Variants in ATMIN observed in about 807,000 individuals in gnomAD.
ATMIN encodes the protein ATM interactor, also known as ATM INteracting protein.
ATMIN carries 24 observed loss-of-function variants against 49.2 expected under a neutral mutation model. The observed-to-expected ratio is 0.49, with a 90% CI of 0.35 to 0.69. The LOEUF (loss-of-function observed/expected upper bound fraction) is 0.69. Among genes scored for constraint, ATMIN ranks in the 30% least tolerant of loss-of-function variants. ATMIN has a pLI of 0.00. For missense variants in ATMIN, 1,037 were observed against 1,005.5 expected (o/e 1.03, Z -0.42); for synonymous variants, 450 against 392.5 (o/e 1.15, Z -1.73).
Position 81,044,788 on chromosome 16 carries a change from G to A in ATMIN, c.2290G>A (p.Glu764Lys). 2 of 1,614,198 alleles carry A rather than the reference G, an allele frequency of 1.2e-6. No individual in the cohort carries two copies. The highest frequency in any genetic ancestry group is 1.7e-6 in the Non-Finnish European group (2 of 1,180,036). The part of the protein sequence containing the change: ...LESKVQLNST[E>K]TQTMSSGFET... ...AAGCAAAGTTCAGTTGAACAGTACA[G>A]AAACACAGACCATGAGTTCTGGGTT... is the stretch of plus-strand genomic sequence containing the variant. Residue 764 changes from glutamate (E) to lysine (K), a missense_variant, in exon 4 of 4, where the codon GAA becomes AAA. By Grantham distance (56) the Glu-to-Lys change is moderately conservative. Coordinates refer to ENST00000299575, the MANE Select transcript of ATMIN (RefSeq NM_015251.3).
intron 3 of ATMIN, among the ~76,000 whole-genome samples, chr16:81,042,872 A>G (rs959793270): frequency 4.6e-5 from 7 of 152,194 alleles, no homozygotes; most frequent in Non-Finnish European, 8.8e-5. Flanking sequence ...TAAAACTTGC[A>G]TTATGTAAGT....
Position 81,044,907 on chromosome 16 carries a change from G to A in ATMIN, c.2409G>A (p.Glu803=). ...CTGATCTGGCCTGGAACACGATGGA[G>A]TCTCAGTTCAGCTCTGTAGAAACCC... The part of the protein sequence containing the change: ...LLADLAWNTM[E]SQFSSVETQT... Residue 803 remains glutamate (E), a synonymous_variant, in exon 4 of 4, where the codon GAG becomes GAA. Coordinates refer to ENST00000299575, the MANE Select transcript of ATMIN (RefSeq NM_015251.3). 1 of 1,614,108 alleles carries A rather than the reference G, an allele frequency of 6.2e-7. No individual in the cohort carries two copies. Among genetic ancestry groups the A allele is most frequent in the Non-Finnish European group, 8.5e-7 (1 of 1,179,972 alleles).
intron 1 of ATMIN, 41 bp from the exon 2 acceptor site, chr16:81,041,311 GTTGT>G (rs1555524706): frequency 6.3e-7 from 1 of 1,575,568 alleles, no homozygotes; most frequent in Non-Finnish European, 8.6e-7. Context: ...AGCCTGTTGT[GTTGT>G]TTTTTTGAAA....
chr16:81,041,377 A>G lies in ATMIN; in HGVS notation c.358A>G (p.Ile120Val), dbSNP rs187210090. ...RLQDGIVNPT[I>V]RKDLKTGPKF... ...GCAGGATGGCATAGTCAATCCAACA[A>G]TAAGAAAAGATTTGAAAACTGGACC... The change falls in exon 2 of 4, where the codon ATA becomes GTA. Residue 120 changes from isoleucine to valine, a missense_variant. Ile to Val is a conservative substitution (Grantham distance 29). Transcript: ENST00000299575. The G allele has an allele frequency of 8.7e-6, 14 of 1,613,434 alleles. No individual in the cohort carries two copies. In the East Asian group the frequency reaches 1.6e-4, roughly 18 times the overall value.
At chr16:81,037,394 TCTG>T (rs1970957674) in intron 1 of ATMIN, 2 of 985,298 alleles carry the variant, frequency 2.0e-6, no homozygotes, top group South Asian at 9.4e-5. Context: ...TGAAGAGTGA[TCTG>T]CTCTTACCAC....
In ATMIN at chr16:81,036,273, G is replaced by T. The variant is rs1207327889; in HGVS notation, c.336+67G>T. Reference sequence around the variant, plus strand: ...CTCCAACAAAGCGCCCGGCGCCGGCGCGCGAAGCCGGCCTCGGGGGGACGA... The same window carrying T: ...CTCCAACAAAGCGCCCGGCGCCGGCTCGCGAAGCCGGCCTCGGGGGGACGA... On this transcript the variant is annotated intron_variant, in intron 1 of 3. Coordinates refer to ENST00000299575, the MANE Select transcript of ATMIN (RefSeq NM_015251.3). 2.6e-6 allele frequency: 3 copies of T among 1,158,690 alleles called. No homozygotes were observed. In the African/African-American group the frequency reaches 4.9e-5, roughly 19 times the overall value. The allele number at this position is 1,158,690 out of a possible 1,614,324, so 71.8% of individuals were successfully genotyped here.
Position 81,036,150 on chromosome 16 carries a change from A to G in ATMIN, c.280A>G (p.Ile94Val). 1 of 1,471,646 alleles carries G rather than the reference A, an allele frequency of 6.8e-7. No individual in the cohort carries two copies. Among genetic ancestry groups the G allele is most frequent in the Non-Finnish European group, 9.0e-7 (1 of 1,105,076 alleles). 91.2% of individuals were successfully genotyped at this position (1,471,646 alleles called of 1,614,324 possible). A position where few individuals can be genotyped will look rare whatever the true frequency, so the allele number is the denominator to read the frequency against. ...GTGCACCGTGCGCGGCTGCGGCAAG[A>G]TCCTGCCCAACAGCCCCGCGCTCAA... ...ILCTVRGCGK[I>V]LPNSPALNMH... The change falls in exon 1 of 4, where the codon ATC becomes GTC. Residue 94 changes from isoleucine (I) to valine (V), a missense_variant. Transcript: ENST00000299575.
chr16:81,041,334 TAAAGTA>T lies in ATMIN; in HGVS notation c.337-20_337-15del, dbSNP rs766518855. 3 of 1,589,050 alleles carry T rather than the reference TAAAGTA, an allele frequency of 1.9e-6. No individual in the cohort carries two copies. Among genetic ancestry groups the T allele is most frequent in the Non-Finnish European group, 2.6e-6 (3 of 1,172,416 alleles). On this transcript the variant is annotated splice_polypyrimidine_tract_variant and intron_variant, in intron 1 of 3. Coordinates refer to ENST00000299575, the MANE Select transcript of ATMIN (RefSeq NM_015251.3). ...GTGTTGTTTTTTTGAAATAATAATTTAAAGTAATTTTCCTTTTGCAGGATGGCATAG... is the reference window on the plus strand; with the variant it reads ...GTGTTGTTTTTTTGAAATAATAATTTATTTTCCTTTTGCAGGATGGCATAG...
chr16:81,040,771 C>G (rs550557934), intron 1 of ATMIN: 2 of 154,334 alleles, frequency 1.3e-5, no homozygotes, highest in African/African-American at 2.4e-5. Context: ...ATGACATGAT[C>G]GAAGCTATAC....
chr16:81,037,740 G>C (rs561235665), intron 1 of ATMIN, among the ~76,000 whole-genome samples: 1 of 151,818 alleles, frequency 6.6e-6, no homozygotes, highest in African/African-American at 2.4e-5. Flanking sequence ...GGTTCAAGCA[G>C]TTCTCCTGCC....
chr16:81,043,743 A>G lies in ATMIN; in HGVS notation c.1245A>G (p.Thr415=). The G allele has an allele frequency of 1.9e-6, 3 of 1,614,278 alleles. No individual in the cohort carries two copies. Among genetic ancestry groups the G allele is most frequent in the South Asian group, 2.2e-5 (2 of 91,088 alleles). ...GCATTTCTTCAATCAACGTGCAGACAGATCTGTCTTATGCCTCACAAAACT... is the reference window on the plus strand; with the variant it reads ...GCATTTCTTCAATCAACGTGCAGACGGATCTGTCTTATGCCTCACAAAACT... ...KNSISSINVQ[T]DLSYASQNFI... The change falls in exon 4 of 4, where the codon ACA becomes ACG. Residue 415 remains threonine (T), a synonymous_variant. Transcript: ENST00000299575.
Position 81,042,355 on chromosome 16 carries a change from C to G in ATMIN, c.537C>G (p.Asp179Glu). The change falls in exon 3 of 4, where the codon GAC becomes GAG. Residue 179 changes from aspartate to glutamate, a missense_variant. Asp to Glu is a conservative substitution (Grantham distance 45). Transcript: ENST00000299575. ...KCSNSYGTEW[D>E]LKRHAEDCGK... ...GCAATTCGTACGGTACAGAATGGGA[C>G]CTGAAAAGACATGCAGAGGACTGTG... The G allele has an allele frequency of 6.2e-7, 1 of 1,614,094 alleles. No homozygotes were observed.
chr16:81,036,870 T>TA (rs1017557141), intron 1 of ATMIN, among the ~76,000 whole-genome samples: 2 of 152,128 alleles, frequency 1.3e-5, no homozygotes, highest in East Asian at 1.9e-4. Context: ...CGATTATGAA[T>TA]AAAAAAATGT....
rs551071858 is a variant in ATMIN at position 81,046,793 on chromosome 16, C to G, written c.*1823C>G. ...TCATTAAAGTAAATTGATGGTTTTG[C>G]TACTAATTCCTATCCCATACATTTG... On this transcript the variant is annotated 3_prime_UTR_variant, in exon 4 of 4. Transcript: ENST00000299575. 2 of 152,650 alleles carry G rather than the reference C, an allele frequency of 1.3e-5. No homozygotes were observed. Among genetic ancestry groups the G allele is most frequent in the East Asian group, 3.9e-4 (2 of 5,186 alleles). The allele number at this position is 152,650 out of a possible 1,614,324, so 9.5% of individuals were successfully genotyped here.
At chr16:81,042,769 C>G (rs995234695) in intron 3 of ATMIN, among the ~76,000 whole-genome samples, 54 of 152,110 alleles carry the variant, frequency 3.6e-4, no homozygotes, top group African/African-American at 1.2e-3. Context: ...CAGAGGGAAC[C>G]AAACTGCCAA....
chr16:81,046,227 T>G lies in ATMIN; in HGVS notation c.*1257T>G, dbSNP rs533078286. On this transcript the variant is annotated 3_prime_UTR_variant, in exon 4 of 4. Coordinates refer to ENST00000299575, the MANE Select transcript of ATMIN (RefSeq NM_015251.3). ...CTCTAAAATTAAACAAGAAAAAAAG[T>G]GGGAAAAGGGCATCCCCCATTAGGT... 2.1e-4 allele frequency: 32 copies of G among 152,198 alleles called. No homozygotes were observed. The highest frequency in any genetic ancestry group is 7.9e-4 in the Admixed American group (12 of 15,282). The allele number at this position is 152,198 out of a possible 1,614,324, so 9.4% of individuals were successfully genotyped here. A position where few individuals can be genotyped will look rare whatever the true frequency, so the allele number is the denominator to read the frequency against.
intron 3 of ATMIN, among the ~76,000 whole-genome samples, 155 bp downstream of exon 3, chr16:81,042,635 GC>G (rs1780722985): frequency 1.3e-5 from 2 of 152,192 alleles, no homozygotes; most frequent in Admixed American, 1.3e-4. Context: ...AGCAGGTCTT[GC>G]AAATGACACA....
At position 81,036,132 on chromosome 16, in the gene ATMIN, G is replaced by A. The variant is rs1167345321; in HGVS notation, c.262G>A (p.Val88Met). 6.8e-7 allele frequency: 1 copy of A among 1,463,570 alleles called. No individual in the cohort carries two copies. Among genetic ancestry groups the A allele is most frequent in the Non-Finnish European group, 9.1e-7 (1 of 1,100,180 alleles). The allele number at this position is 1,463,570 out of a possible 1,614,324, so 90.7% of individuals were successfully genotyped here. ...RAVRTNILCT[V>M]RGCGKILPNS... The stretch of plus-strand genomic sequence containing the variant: ...CGTGCGGACCAACATCCTGTGCACC[G>A]TGCGCGGCTGCGGCAAGATCCTGCC... Residue 88 changes from valine (V) to methionine (M), a missense_variant, in exon 1 of 4, where the codon GTG becomes ATG. Physicochemically the swap from Val to Met is conservative, Grantham distance 21. Coordinates refer to ENST00000299575, the MANE Select transcript of ATMIN (RefSeq NM_015251.3).
rs1418655164 is a variant in ATMIN, at chr16:81,036,220, G to C, written c.336+14G>C. 3.6e-6 allele frequency: 5 copies of C among 1,399,700 alleles called. No individual in the cohort carries two copies. Among genetic ancestry groups the C allele is most frequent in the Non-Finnish European group, 4.7e-6 (5 of 1,068,014 alleles). The allele number at this position is 1,399,700 out of a possible 1,614,324, so 86.7% of individuals were successfully genotyped here. ...CACCGCCTGCAGGTGAGCCCGACGC[G>C]GCCGGCGGCCCGGGGGGCCGGGCCT... On this transcript the variant is annotated intron_variant, in intron 1 of 3. Transcript: ENST00000299575.
Sources: allele counts gnomAD v4.1 joint callset (sites outside exome capture counted in the v4.1 genomes callset), GRCh38; gene constraint gnomAD v4.1.1; transcripts MANE v1.5; gene names NCBI Gene and HGNC (gene_info 2026-07-23, HGNC 2026-07-21).